The following COL27A1 variants were observed in gnomAD, a reference collection of about 807,000 sequenced individuals.
COL27A1 encodes the protein collagen alpha-1(XXVII) chain.
Under a neutral mutation model 251.3 loss-of-function variants are expected in COL27A1, and 106 were observed. The ratio of observed to expected loss-of-function variants is 0.42; its 90% confidence interval spans 0.36 to 0.50. COL27A1 has a LOEUF of 0.50. Ranked by LOEUF, COL27A1 falls within the 20% of genes least tolerant of loss-of-function variation. COL27A1 has a pLI of 0.00. For missense variants in COL27A1, 2,325 were observed against 2,522.8 expected (o/e 0.92, Z 1.68); for synonymous variants, 1,000 against 986.3 (o/e 1.01, Z -0.26).
intron 37 of COL27A1, among the ~76,000 whole-genome samples, chr9:114,281,658 G>A (rs1588863785): frequency 1.3e-5 from 2 of 152,228 alleles, no homozygotes; most frequent in Non-Finnish European, 2.9e-5. Flanking sequence ...TCAGAGATAG[G>A]GAAGAACCTA....
intron 56 of COL27A1, among the ~76,000 whole-genome samples, chr9:114,303,275 G>A (rs1157756429): frequency 8.5e-6 from 1 of 117,892 alleles, no homozygotes; most frequent in Admixed American, 1.2e-4. Context: ...GTCTTGCTCT[G>A]TCTCCCAGGC....
At chr9:114,174,572 G>A (rs1486065121) in intron 3 of COL27A1, among the ~76,000 whole-genome samples, 1 of 152,184 alleles carries the variant, frequency 6.6e-6, no homozygotes, top group Non-Finnish European at 1.5e-5. Flanking sequence ...CAGAGGTCAA[G>A]GAAGGCCGGG....
chr9:114,183,253 A>G (rs1828076657), intron 5 of COL27A1, among the ~76,000 whole-genome samples, 178 bp downstream of exon 5: 1 of 152,192 alleles, frequency 6.6e-6, no homozygotes, highest in African/African-American at 2.4e-5. Flanking sequence ...TGGTCCGGAG[A>G]CACAGTGCTT....
intron 3 of COL27A1, among the ~76,000 whole-genome samples, chr9:114,171,069 G>T (rs1449340942): frequency 6.6e-6 from 1 of 152,234 alleles, no homozygotes; most frequent in Non-Finnish European, 1.5e-5. Context: ...TGGGTCTGCT[G>T]TATGTCTGAG....
intron 14 of COL27A1, among the ~76,000 whole-genome samples, chr9:114,228,186 C>A (rs113261921): frequency 6.6e-6 from 1 of 152,166 alleles, no homozygotes; most frequent in Non-Finnish European, 1.5e-5. Flanking sequence ...CGTGACTCCC[C>A]GAGGCCCCAC....
chr9:114,251,950 G>C (rs775031864), intron 25 of COL27A1, among the ~76,000 whole-genome samples: 7 of 152,232 alleles, frequency 4.6e-5, no homozygotes, highest in South Asian at 4.1e-4. Flanking sequence ...TGTATATTCA[G>C]AGTCTCGCAG....
intron 18 of COL27A1, 39 bp downstream of exon 18, chr9:114,237,073 T>C (rs1445198408): frequency 1.3e-5 from 20 of 1,536,946 alleles, no homozygotes; most frequent in Middle Eastern, 1.7e-4. Flanking sequence ...AACCTCACAC[T>C]CTCCAACTGA....
intron 14 of COL27A1, among the ~76,000 whole-genome samples, chr9:114,230,249 A>T (rs1443549904): frequency 1.3e-5 from 2 of 152,116 alleles, no homozygotes; most frequent in African/African-American, 4.8e-5. Context: ...GGGCCTGTGC[A>T]GTGGAATGCC....
intron 45 of COL27A1, among the ~76,000 whole-genome samples, chr9:114,289,779 G>A (rs148508225): frequency 3.9e-5 from 6 of 151,932 alleles, no homozygotes; most frequent in Non-Finnish European, 7.4e-5. Flanking sequence ...GTGATACCTA[G>A]TCTCTAAAAG....
chr9:114,182,885 C>G, intron 4 of COL27A1, 137 bp from the exon 5 acceptor site: 1 of 757,374 alleles, frequency 1.3e-6, no homozygotes, highest in Non-Finnish European at 2.3e-6. Flanking sequence ...TGAGTGGCCA[C>G]GACAGTGTTG....
At chr9:114,269,403 A>G in intron 35 of COL27A1, 109 bp downstream of exon 35, 1 of 697,034 alleles carries the variant, frequency 1.4e-6, no homozygotes, top group Admixed American at 2.9e-5. Flanking sequence ...CCTCAGTTAC[A>G]GAAATAGACT....
intron 11 of COL27A1, among the ~76,000 whole-genome samples, 153 bp downstream of exon 11, chr9:114,209,881 G>A (rs1830226567): frequency 6.6e-6 from 1 of 152,220 alleles, no homozygotes; most frequent in Non-Finnish European, 1.5e-5. Flanking sequence ...ACAAGTCAAG[G>A]CAGATGCATT....
At chr9:114,196,281 G>C (rs1829120545) in intron 7 of COL27A1, among the ~76,000 whole-genome samples, 1 of 152,194 alleles carries the variant, frequency 6.6e-6, no homozygotes, top group Non-Finnish European at 1.5e-5. Flanking sequence ...CCTTTTGGGG[G>C]CCCAGCCGCT....
Position 114,219,659 on chromosome 9 carries a change from T to C in COL27A1, c.2368-132T>C. 4 of 673,348 alleles carry C rather than the reference T, an allele frequency of 5.9e-6. No homozygotes were observed. In the South Asian group the frequency reaches 7.1e-5, roughly 12 times the overall value. 41.7% of individuals were successfully genotyped at this position (673,348 alleles called of 1,614,324 possible). A position where few individuals can be genotyped will look rare whatever the true frequency, so the allele number is the denominator to read the frequency against. On this transcript the variant is annotated intron_variant, in intron 12 of 60. Coordinates refer to ENST00000356083, the MANE Select transcript of COL27A1 (RefSeq NM_032888.4). ...GGTAGGGGTGACCTCAGGACCGCAC[T>C]GTCTGCCCATGACCAAGGAGTGAGA...
At chr9:114,222,156 G>A (rs1202098053) in intron 13 of COL27A1, 67 bp from the exon 14 acceptor site, 1 of 1,414,874 alleles carries the variant, frequency 7.1e-7, no homozygotes, top group Non-Finnish European at 1.0e-6. Flanking sequence ...TGTGGAGGAT[G>A]ACATGGAGGG....
At chr9:114,182,693 C>G (rs895901960) in intron 4 of COL27A1, among the ~76,000 whole-genome samples, 7 of 152,198 alleles carry the variant, frequency 4.6e-5, no homozygotes, top group Non-Finnish European at 7.3e-5. Context: ...AGGTCCAGCT[C>G]TGCCTCTTAG....
chr9:114,231,945 T>G (rs1831992926), intron 16 of COL27A1, 79 bp downstream of exon 16: 1 of 1,389,578 alleles, frequency 7.2e-7, no homozygotes, highest in South Asian at 1.2e-5. Flanking sequence ...GCTGCTGATT[T>G]CTCGCCAGGT....
intron 49 of COL27A1, among the ~76,000 whole-genome samples, chr9:114,295,629 A>G (rs1160080144): frequency 6.6e-6 from 1 of 152,154 alleles, no homozygotes; most frequent in African/African-American, 2.4e-5. Flanking sequence ...GACATATACC[A>G]TACATATACG....
rs184370536 is a variant in COL27A1 at position 114,232,721 on chromosome 9, G to A, written c.2565+855G>A. 5.9e-5 allele frequency among the ~76,000 whole-genome samples: 9 copies of A among 152,262 alleles called. No individual in the cohort carries two copies. In the East Asian group the frequency reaches 1.7e-3, roughly 29 times the overall value. ...CATAAGGTCAGGTGCCATGCTGGGC[G>A]CCATCTGAGTGTACCACATGGATCC... On this transcript the variant is annotated intron_variant, in intron 16 of 60. Transcript: ENST00000356083.
Sources: allele counts gnomAD v4.1 joint callset (sites outside exome capture counted in the v4.1 genomes callset), GRCh38; gene constraint gnomAD v4.1.1; transcripts MANE v1.5; gene names NCBI Gene and HGNC (gene_info 2026-07-23, HGNC 2026-07-21).